Variants in PCDHA4 observed in about 807,000 individuals in gnomAD.
PCDHA4 encodes the protein protocadherin alpha-4.
Under a neutral mutation model 61.4 loss-of-function variants are expected in PCDHA4, and 49 were observed. That is an observed-to-expected ratio of 0.80 (90% CI 0.63 to 1.01). PCDHA4 has a LOEUF of 1.01. Ranked by LOEUF, PCDHA4 falls within the 50% of genes least tolerant of loss-of-function variation. The probability of loss-of-function intolerance (pLI) is 0.00; values close to 1 mark genes in which losing one functional copy is unlikely to be tolerated. For synonymous variants in PCDHA4, 590 were observed against 550.3 expected, an observed-to-expected ratio of 1.07 and a Z score of -1.01; for missense variants, 1,254 against 1,235.8, an observed-to-expected ratio of 1.01 and a Z score of -0.22.
chr5:140,889,259 G>C (rs371831027), intron 1 of PCDHA4, among the ~76,000 whole-genome samples: 37 of 151,916 alleles, frequency 2.4e-4, no homozygotes, highest in African/African-American at 6.7e-4. Context: ...TCCTGTAAAA[G>C]TTTGTATAAT....
intron 1 of PCDHA4, chr5:140,929,129 C>T (rs1206531954): frequency 6.2e-7 from 1 of 1,614,052 alleles, no homozygotes; most frequent in South Asian, 1.1e-5. Context: ...GATGTCACTA[C>T]AGTTGAGAGA....
intron 1 of PCDHA4, among the ~76,000 whole-genome samples, chr5:140,888,140 G>A (rs2061708866): frequency 1.3e-5 from 2 of 152,080 alleles, no homozygotes; most frequent in Admixed American, 1.3e-4. Context: ...TTTTCTTGCT[G>A]TTTTGCATGA....
rs782337552 is a variant in PCDHA4, at chr5:140,856,686, C to G, written c.2385+47114C>G. On this transcript the variant is annotated intron_variant, in intron 1 of 3. Transcript: ENST00000530339. ...CCTCAGCTAAAGTTGTTGTTGACAG[C>G]AACTGATGGAGGCAAACCTGAATTT... is the stretch of plus-strand genomic sequence containing the variant. The G allele has an allele frequency of 1.9e-6, 3 of 1,597,202 alleles. No individual in the cohort carries two copies. The East Asian group carries it at 6.7e-5, about 36-fold the overall frequency.
At chr5:140,829,918 T>C (rs1770676846) in intron 1 of PCDHA4, 2 of 1,613,992 alleles carry the variant, frequency 1.2e-6, no homozygotes, top group East Asian at 4.5e-5. Context: ...GGCTTTCGTA[T>C]GAGCTGCAGC....
At chr5:140,935,732 A>G (rs933243274) in intron 1 of PCDHA4, among the ~76,000 whole-genome samples, 3 of 152,212 alleles carry the variant, frequency 2.0e-5, no homozygotes, top group African/African-American at 4.8e-5. Flanking sequence ...GAAGTCTAGT[A>G]TCTATTATTC....
chr5:140,966,710 G>A, intron 1 of PCDHA4: 1 of 1,391,664 alleles, frequency 7.2e-7, no homozygotes, highest in Non-Finnish European at 9.3e-7. Flanking sequence ...GTGGGGCACG[G>A]CTGGGGAAGC....
At chr5:140,946,516 C>T (rs551838143) in intron 1 of PCDHA4, among the ~76,000 whole-genome samples, 42 of 151,130 alleles carry the variant, frequency 2.8e-4, no homozygotes, top group African/African-American at 8.3e-4. Flanking sequence ...AAGACCTATC[C>T]GCACTCCCAT....
At chr5:140,920,405 A>T (rs1253203896) in intron 1 of PCDHA4, among the ~76,000 whole-genome samples, 1 of 152,118 alleles carries the variant, frequency 6.6e-6, no homozygotes, top group Non-Finnish European at 1.5e-5. Context: ...TCTTTTTTTA[A>T]TCAGATACAG....
chr5:140,923,885 AGAG>A (rs1190900836), intron 1 of PCDHA4, among the ~76,000 whole-genome samples: 7 of 152,210 alleles, frequency 4.6e-5, no homozygotes, highest in Non-Finnish European at 8.8e-5. Flanking sequence ...AGCGTGTGAA[AGAG>A]GAGGAGTTTC....
intron 1 of PCDHA4, chr5:140,858,613 T>A (rs953930839): frequency 8.3e-7 from 1 of 1,208,634 alleles, no homozygotes; most frequent in Non-Finnish European, 1.1e-6. Context: ...AATTTTTTTA[T>A]CCTACCCAGT....
intron 1 of PCDHA4, chr5:140,862,885 A>C (rs782336518): frequency 3.5e-6 from 2 of 563,674 alleles, no homozygotes; most frequent in Admixed American, 3.8e-5. Flanking sequence ...TAGTGCTGGA[A>C]CGACAACTTT....
rs782296827 is a variant in PCDHA4, at chr5:140,858,349, C to T, written c.2385+48777C>T. The T allele has an allele frequency of 9.4e-6, 15 of 1,594,268 alleles. 2 individuals are homozygous for T. ...GGGAGGGCCTGCCCAAGGCGGACCT[C>T]ATGGCCTTCAGCCCCAGCCTTCCAC... On this transcript the variant is annotated intron_variant, in intron 1 of 3. Coordinates refer to ENST00000530339, the MANE Select transcript of PCDHA4 (RefSeq NM_018907.4).
Position 141,010,344 on chromosome 5 carries a change from G to A in PCDHA4, c.*407G>A, listed in dbSNP as rs1011321402. On this transcript the variant is annotated 3_prime_UTR_variant, in exon 4 of 4. Coordinates refer to ENST00000530339, the MANE Select transcript of PCDHA4 (RefSeq NM_018907.4). Reference sequence around the variant, plus strand: ...CAGCTTGGGAGTTTGTGGCCACTGGGTATGTGTGGCTACCGCGGGTATGCG... The same window carrying A: ...CAGCTTGGGAGTTTGTGGCCACTGGATATGTGTGGCTACCGCGGGTATGCG... 3 of 1,518,888 alleles carry A rather than the reference G, an allele frequency of 2.0e-6. No homozygotes were observed. The Admixed American group carries it at 6.4e-5, about 33-fold the overall frequency. 94.1% of individuals were successfully genotyped at this position (1,518,888 alleles called of 1,614,324 possible).
intron 1 of PCDHA4, among the ~76,000 whole-genome samples, chr5:140,937,823 A>T (rs2091776135): frequency 6.6e-6 from 1 of 151,692 alleles, no homozygotes; most frequent in Admixed American, 6.6e-5. Context: ...GAGGCAGGAG[A>T]ATGGCATGAA....
intron 3 of PCDHA4, among the ~76,000 whole-genome samples, chr5:140,986,934 C>T (rs1379562819): frequency 6.6e-6 from 1 of 152,160 alleles, no homozygotes; most frequent in East Asian, 1.9e-4. Flanking sequence ...AGGATGGAGG[C>T]TGGGTGTGGT....
chr5:140,852,802 T>G (rs2042479585), intron 1 of PCDHA4: 1 of 976,830 alleles, frequency 1.0e-6, no homozygotes, highest in Admixed American at 6.3e-5. Context: ...CAGATGTCAT[T>G]TGTCTCCCGC....
Position 140,857,572 on chromosome 5 carries a change from G to T in PCDHA4, c.2385+48000G>T, listed in dbSNP as rs144978636. On this transcript the variant is annotated intron_variant, in intron 1 of 3. Coordinates refer to ENST00000530339, the MANE Select transcript of PCDHA4 (RefSeq NM_018907.4). Reference sequence around the variant, plus strand: ...AGCGCTCGCTGTCGAGCTACGTGTCGGTGCACGCGGAGAGCGGCAAGGTGT... The same window carrying T: ...AGCGCTCGCTGTCGAGCTACGTGTCTGTGCACGCGGAGAGCGGCAAGGTGT... 1.0e-5 allele frequency: 16 copies of T among 1,596,716 alleles called. 2 individuals carry two copies. The highest frequency in any genetic ancestry group is 1.4e-5 in the Non-Finnish European group (16 of 1,167,664).
chr5:140,850,299 G>A, intron 1 of PCDHA4: 1 of 1,596,610 alleles, frequency 6.3e-7, no homozygotes, highest in Non-Finnish European at 8.6e-7. Flanking sequence ...CGCCGACTCG[G>A]GCTACAACGC....
intron 3 of PCDHA4, among the ~76,000 whole-genome samples, chr5:140,983,802 A>G (rs2097069375): frequency 6.6e-6 from 1 of 152,246 alleles, no homozygotes; most frequent in South Asian, 2.1e-4. Context: ...ATGTGTGTGT[A>G]AAAGGTTTTT....
Sources: gnomAD v4.1 joint callset for allele counts (sites outside exome capture counted in the v4.1 genomes callset) on GRCh38, gnomAD v4.1.1 for gene constraint, MANE v1.5 for transcripts, NCBI Gene and HGNC (gene_info 2026-07-23, HGNC 2026-07-21) for gene names.